Variants in UGT2B11 observed in about 807,000 individuals in gnomAD.
UGT2B11 encodes the protein UDP-glucuronosyltransferase 2B11.
UGT2B11 carries 49 observed loss-of-function variants against 51.7 expected under a neutral mutation model. That is an observed-to-expected ratio of 0.95 (90% CI 0.75 to 1.20). UGT2B11 has a LOEUF of 1.20. Among genes scored for constraint, UGT2B11 ranks in the 50% most tolerant of loss-of-function variants. The probability of loss-of-function intolerance (pLI) is 0.00; values close to 1 mark genes in which losing one functional copy is unlikely to be tolerated. For synonymous variants in UGT2B11, 273 were observed against 209.0 expected (o/e 1.31, Z -2.64); for missense variants, 810 against 622.1 (o/e 1.30, Z -3.21).
chr4:69,223,624 C>T, the UGT2B11 span, among the ~76,000 whole-genome samples: 3 of 152,112 alleles, frequency 2.0e-5, no homozygotes, highest in African/African-American at 7.2e-5. Context: ...GTGGGCCTGG[C>T]CATAAAATTG....
intron 5 of UGT2B11, among the ~76,000 whole-genome samples, chr4:69,201,002 T>C (rs1209098670): frequency 6.6e-6 from 1 of 151,804 alleles, no homozygotes; most frequent in Non-Finnish European, 1.5e-5. Context: ...CTTTTAATTG[T>C]TTAATGTTAA....
At chr4:69,208,846 G>A (rs964264868) in intron 2 of UGT2B11, among the ~76,000 whole-genome samples, 1 of 151,506 alleles carries the variant, frequency 6.6e-6, no homozygotes, top group Non-Finnish European at 1.5e-5. Flanking sequence ...GGCACCACTC[G>A]GCTTTAATCC....
At chr4:69,217,453 G>A (rs1209706262), upstream of UGT2B11, among the ~76,000 whole-genome samples, 1 of 152,118 alleles carries the variant, frequency 6.6e-6, no homozygotes, top group Non-Finnish European at 1.5e-5. Context: ...GTCCTTGAGT[G>A]CATGCATTAT....
At chr4:69,203,091 A>T (rs902889074) in intron 5 of UGT2B11, among the ~76,000 whole-genome samples, 2 of 151,696 alleles carry the variant, frequency 1.3e-5, no homozygotes, top group South Asian at 4.1e-4. Context: ...TAGTGCACCA[A>T]GATTGGGACA....
chr4:69,218,045 T>C (rs1722319259), upstream of UGT2B11, among the ~76,000 whole-genome samples: 1 of 152,294 alleles, frequency 6.6e-6, no homozygotes, highest in South Asian at 2.1e-4. Context: ...TATAAGAATT[T>C]TAACATATTA....
intron 3 of UGT2B11, among the ~76,000 whole-genome samples, chr4:69,207,617 A>G (rs191617022): frequency 2.1e-3 from 314 of 151,638 alleles, no homozygotes; most frequent in African/African-American, 6.5e-3. Flanking sequence ...ACCATATTTT[A>G]TACTGTACAG....
chr4:69,217,986 A>G (rs1272517877), upstream of UGT2B11, among the ~76,000 whole-genome samples: 2 of 152,060 alleles, frequency 1.3e-5, no homozygotes, highest in African/African-American at 4.8e-5. Context: ...TGCCTTCGTG[A>G]CCTAAACACC....
At position 69,200,438 on chromosome 4, in the gene UGT2B11, A is replaced by T; in HGVS notation, c.*2T>A. The T allele has an allele frequency of 1.9e-6, 3 of 1,610,352 alleles. No homozygotes were observed. Among genetic ancestry groups the T allele is most frequent in the Non-Finnish European group, 2.5e-6 (3 of 1,178,000 alleles). ...TTTTCCAGCTTCAAATGTCAGACAT[A>T]ACTAATCTCTTTTTCCCTTCTTCCC... On this transcript the variant is annotated 3_prime_UTR_variant, in exon 6 of 6. Transcript: ENST00000446444.
Position 69,214,425 on chromosome 4 carries a change from T to A in UGT2B11, c.298A>T (p.Ile100Phe), listed in dbSNP as rs768577720. The change falls in exon 1 of 6, where the codon ATT becomes TTT. Residue 100 changes from isoleucine to phenylalanine, a missense_variant. Transcript: ENST00000446444. ...IMQQVKRWSD[I>F]RKDSFWLYFS... is the part of the protein sequence containing the mutation. The stretch of plus-strand genomic sequence containing the variant: ...TATAACCAAAAGCTATCTTTTCGAA[T>A]GTCTGACCATCTCTTAACCTGTTGC... The A allele has an allele frequency of 4.3e-6, 7 of 1,613,196 alleles. No individual in the cohort carries two copies. The East Asian group carries it at 1.6e-4, about 36-fold the overall frequency.
At chr4:69,212,812 A>T in intron 1 of UGT2B11, 91 bp from the exon 2 acceptor site, 1 of 1,416,580 alleles carries the variant, frequency 7.1e-7, no homozygotes, top group Non-Finnish European at 9.3e-7. Context: ...GTAAGCAAAG[A>T]TGTAGGTAAA....
intron 3 of UGT2B11, chr4:69,205,842 A>G (rs1721835005): frequency 3.0e-6 from 1 of 331,566 alleles, no homozygotes; most frequent in Admixed American, 4.8e-5. Context: ...TTTTAAAAGA[A>G]GACCTACCTG....
chr4:69,204,383 G>T (rs771452542), intron 5 of UGT2B11, 47 bp downstream of exon 5: 1 of 1,606,566 alleles, frequency 6.2e-7, no homozygotes, highest in Non-Finnish European at 8.5e-7. Context: ...ATTGACAAGA[G>T]AAGCTGTCCA....
the UGT2B11 span, among the ~76,000 whole-genome samples, chr4:69,219,954 CA>C: frequency 6.6e-6 from 1 of 152,118 alleles, no homozygotes; most frequent in Non-Finnish European, 1.5e-5. Flanking sequence ...AGCATTAACT[CA>C]AAAGTCCACA....
Position 69,208,478 on chromosome 4 carries a change from A to G in UGT2B11, c.875T>C (p.Met292Thr). ...CKPAKPLPKEMEEFVQSSGEN... is the reference protein window; with the variant it reads ...CKPAKPLPKETEEFVQSSGEN... ...TCCAGAGCTCTGTACAAACTCCTCC[A>G]TTTCCTGTGAAAAAAAAATTGTTTC... The change falls in exon 3 of 6, where the codon ATG becomes ACG. Residue 292 changes from methionine (M) to threonine (T), a missense_variant. Transcript: ENST00000446444. The G allele has an allele frequency of 6.2e-7, 1 of 1,607,444 alleles. No individual in the cohort carries two copies. The highest frequency in any genetic ancestry group is 8.5e-7 in the Non-Finnish European group (1 of 1,177,358).
rs1395486252 is a variant in UGT2B11, at chr4:69,204,727, G to A, written c.1091-78C>T. 4 of 1,600,476 alleles carry A rather than the reference G, an allele frequency of 2.5e-6. No homozygotes were observed. The African/African-American group carries it at 5.4e-5, about 22-fold the overall frequency. On this transcript the variant is annotated intron_variant, in intron 4 of 5. Coordinates refer to ENST00000446444, the MANE Select transcript of UGT2B11 (RefSeq NM_001073.3). ...ACAATGAAAGGTTCTGAAAGTGACA[G>A]TGTTTTCTAGATAACACATTGAACT...
rs1298855127 is a variant in UGT2B11, at chr4:69,214,389, C to A, written c.334G>T (p.Glu112Ter). ...KDSFWLYFSQ[E>*]QEILWELYDI... ...TATAATTCCCACAGGATTTCTTGTT[C>A]TTGTGAAAAATATAACCAAAAGCTA... is the stretch of plus-strand genomic sequence containing the variant. The change falls in exon 1 of 6, where the codon GAA (glutamate) becomes TAA (stop). Residue 112 changes from glutamate to a stop codon, truncating the protein, a stop_gained. Coordinates refer to ENST00000446444, the MANE Select transcript of UGT2B11 (RefSeq NM_001073.3). LOFTEE classifies it high-confidence loss of function. The A allele has an allele frequency of 6.2e-7, 1 of 1,612,700 alleles. No individual in the cohort carries two copies.
At chr4:69,221,631 T>C in the UGT2B11 span, among the ~76,000 whole-genome samples, 24,176 of 152,084 alleles carry the variant, frequency 0.16, 2,321 homozygotes, top group African/African-American at 0.27. Context: ...AAGAGCAAAG[T>C]CTCCCAATTG....
chr4:69,203,109 T>G (rs2109940177), intron 5 of UGT2B11, among the ~76,000 whole-genome samples: 1 of 151,768 alleles, frequency 6.6e-6, no homozygotes, highest in Admixed American at 6.6e-5. Context: ...ACAAAATATT[T>G]AAAAAGTATA....
At chr4:69,222,268 A>C in the UGT2B11 span, among the ~76,000 whole-genome samples, 1 of 152,252 alleles carries the variant, frequency 6.6e-6, no homozygotes, top group Non-Finnish European at 1.5e-5. Flanking sequence ...TTTATCCTTT[A>C]AAATAAGTTG....
Sources: allele counts gnomAD v4.1 joint callset (sites outside exome capture counted in the v4.1 genomes callset), GRCh38; gene constraint gnomAD v4.1.1; transcripts MANE v1.5; gene names NCBI Gene and HGNC (gene_info 2026-07-23, HGNC 2026-07-21).